Variants in IL1RAPL1 observed in about 807,000 individuals in gnomAD.
IL1RAPL1 encodes the protein interleukin-1 receptor accessory protein-like 1.
A neutral mutation model predicts 48.4 loss-of-function variants in IL1RAPL1; 3 were observed. That is an observed-to-expected ratio of 0.06 (90% CI 0.03 to 0.16). The LOEUF (loss-of-function observed/expected upper bound fraction) is 0.16. Ranked by LOEUF, IL1RAPL1 falls within the 10% of genes least tolerant of loss-of-function variation. The probability of loss-of-function intolerance (pLI) is 1.00; values close to 1 mark genes in which losing one functional copy is unlikely to be tolerated. For synonymous variants in IL1RAPL1, 185 were observed against 187.7 expected (o/e 0.99, Z 0.12); for missense variants, 349 against 530.6 (o/e 0.66, Z 3.36).
chrX:29,576,601 G>T (rs1219764403), intron 5 of IL1RAPL1, among the ~76,000 whole-genome samples: 2 of 111,154 alleles, frequency 1.8e-5, no homozygotes, highest in African/African-American at 6.6e-5. Flanking sequence ...TGTTTAAACT[G>T]TTGGCTTTTC....
chrX:28,902,077 G>A (rs952768861), intron 2 of IL1RAPL1, among the ~76,000 whole-genome samples: 1 of 111,324 alleles, frequency 9.0e-6, no homozygotes, highest in Non-Finnish European at 1.9e-5. Context: ...CCTTCCCAAA[G>A]TTCTATATTC....
At chrX:29,694,614 G>A (rs767487528) in intron 6 of IL1RAPL1, among the ~76,000 whole-genome samples, 1 of 111,530 alleles carries the variant, frequency 9.0e-6, no homozygotes, top group African/African-American at 3.3e-5. Context: ...GGTGGATTCA[G>A]TGTCTGTTGA....
chrX:29,915,714 C>CTTTTTTT, intron 6 of IL1RAPL1, among the ~76,000 whole-genome samples: 1 of 54,311 alleles, frequency 1.8e-5, no homozygotes, highest in Non-Finnish European at 3.4e-5. Flanking sequence ...TGGTAATATT[C>CTTTTTTT]TTTTTTTTTT....
intron 3 of IL1RAPL1, among the ~76,000 whole-genome samples, chrX:29,340,390 C>G (rs1414315283): frequency 9.0e-6 from 1 of 111,650 alleles, no homozygotes; most frequent in African/African-American, 3.3e-5. Context: ...CATTCTGTTT[C>G]TACAGATTTA....
intron 2 of IL1RAPL1, among the ~76,000 whole-genome samples, chrX:28,955,201 A>G (rs1286957825): frequency 5.4e-5 from 6 of 111,793 alleles, no homozygotes. Flanking sequence ...AACACGTGAC[A>G]GGAATGGATT....
At chrX:29,745,217 C>T (rs970679696) in intron 6 of IL1RAPL1, among the ~76,000 whole-genome samples, 6 of 110,657 alleles carry the variant, frequency 5.4e-5, no homozygotes, top group African/African-American at 2.0e-4. Context: ...GCTGGGAATA[C>T]ATTAATTCCT....
chrX:29,639,828 A>C (rs1015397471), intron 5 of IL1RAPL1, among the ~76,000 whole-genome samples: 2 of 111,759 alleles, frequency 1.8e-5, no homozygotes, highest in African/African-American at 6.5e-5. Flanking sequence ...TTATACCCAG[A>C]GTATTAGATA....
chrX:28,755,379 T>G (rs1936095253), intron 1 of IL1RAPL1, among the ~76,000 whole-genome samples: 2 of 112,422 alleles, frequency 1.8e-5, no homozygotes, highest in African/African-American at 3.2e-5. Context: ...CTGTGTAACT[T>G]TGAATTAATT....
chrX:29,913,499 C>T (rs953141485), intron 6 of IL1RAPL1, among the ~76,000 whole-genome samples: 1 of 105,408 alleles, frequency 9.5e-6, no homozygotes, highest in Non-Finnish European at 2.0e-5. Flanking sequence ...TAACAGGATT[C>T]CTACTTAATG....
chrX:29,557,241 AG>A (rs1298462672), intron 5 of IL1RAPL1, among the ~76,000 whole-genome samples: 1 of 111,832 alleles, frequency 8.9e-6, no homozygotes, highest in East Asian at 2.8e-4. Flanking sequence ...GAATGGTCTT[AG>A]GCGGTCAAGA....
intron 2 of IL1RAPL1, among the ~76,000 whole-genome samples, chrX:29,082,019 C>A (rs945483145): frequency 9.0e-6 from 1 of 111,310 alleles, no homozygotes; most frequent in African/African-American, 3.3e-5. Flanking sequence ...TAATATATAT[C>A]TTATAGAGAA....
intron 6 of IL1RAPL1, among the ~76,000 whole-genome samples, chrX:29,755,222 G>A (rs1171128363): frequency 8.9e-6 from 1 of 112,200 alleles, no homozygotes; most frequent in African/African-American, 3.2e-5. Context: ...TCACTACAGT[G>A]ATATTCCATC....
At chrX:29,715,161 A>G (rs1927448400) in intron 6 of IL1RAPL1, among the ~76,000 whole-genome samples, 2 of 111,215 alleles carry the variant, frequency 1.8e-5, no homozygotes, top group African/African-American at 3.3e-5. Flanking sequence ...AAGCACGCCT[A>G]TTTTTCCAGC....
intron 1 of IL1RAPL1, among the ~76,000 whole-genome samples, chrX:28,746,778 G>A (rs1281878089): frequency 9.0e-6 from 1 of 111,327 alleles, no homozygotes; most frequent in Non-Finnish European, 1.9e-5. Flanking sequence ...TAATTAATAT[G>A]GTGAGGGCAA....
At chrX:29,471,513 T>G (rs1460646148) in intron 5 of IL1RAPL1, among the ~76,000 whole-genome samples, 1 of 111,336 alleles carries the variant, frequency 9.0e-6, no homozygotes, top group Non-Finnish European at 1.9e-5. Flanking sequence ...GGGAGACATG[T>G]GCCCTTCTAT....
chrX:29,321,387 C>G (rs1932802682), intron 3 of IL1RAPL1, among the ~76,000 whole-genome samples: 1 of 111,982 alleles, frequency 8.9e-6, no homozygotes, highest in Non-Finnish European at 1.9e-5. Flanking sequence ...GTGCTGACAT[C>G]ACTTTGAAGC....
chrX:28,776,406 C>G (rs1936363041), intron 1 of IL1RAPL1, among the ~76,000 whole-genome samples: 1 of 111,860 alleles, frequency 8.9e-6, no homozygotes, highest in Non-Finnish European at 1.9e-5. Flanking sequence ...CAGTGCAGCT[C>G]CTGCAATAAA....
intron 1 of IL1RAPL1, among the ~76,000 whole-genome samples, chrX:28,649,401 T>C (rs1934658002): frequency 8.9e-6 from 1 of 111,796 alleles, no homozygotes; most frequent in East Asian, 2.8e-4. Flanking sequence ...GAGAACAAAA[T>C]GAAGAACAGA....
At chrX:29,839,476 C>G (rs777007695) in intron 6 of IL1RAPL1, among the ~76,000 whole-genome samples, 1 of 112,689 alleles carries the variant, frequency 8.9e-6, no homozygotes, top group East Asian at 2.8e-4. Context: ...TTAGTGTCTC[C>G]TTCCTTAACA....
Sources: gnomAD v4.1 joint callset for allele counts (sites outside exome capture counted in the v4.1 genomes callset) on GRCh38, gnomAD v4.1.1 for gene constraint, MANE v1.5 for transcripts, NCBI Gene and HGNC (gene_info 2026-07-23, HGNC 2026-07-21) for gene names.